The following AP1G2 variants were observed in gnomAD, a reference collection of about 807,000 sequenced individuals.
AP1G2 encodes the protein AP-1 complex subunit gamma-like 2.
In AP1G2, 85 loss-of-function variants were observed where a neutral mutation model predicts 95.8. The observed-to-expected ratio is 0.89, with a 90% CI of 0.74 to 1.06. The LOEUF (loss-of-function observed/expected upper bound fraction) is 1.06, where lower values mean the gene tolerates loss of function less well. AP1G2 is among the 50% of genes least tolerant of loss of function. AP1G2 has a pLI of 0.00. For missense variants in AP1G2, 967 were observed against 1,005.8 expected (o/e 0.96, Z 0.52); for synonymous variants, 378 against 400.0 (o/e 0.94, Z 0.66).
At chr14:23,562,708 G>GC (rs1256013798) in intron 14 of AP1G2, 115 bp from the exon 15 acceptor site, 8 of 996,096 alleles carry the variant, frequency 8.0e-6, no homozygotes, top group Non-Finnish European at 8.7e-6. Flanking sequence ...TTCAAGACCA[G>GC]CCTGGGCAAC....
Position 23,561,351 on chromosome 14 carries a change from G to T in AP1G2, c.1938C>A (p.Ser646=). Residue 646 remains serine (S), a synonymous_variant, in exon 19 of 22, where the codon TCC becomes TCA. Coordinates refer to ENST00000397120, the MANE Select transcript of AP1G2 (RefSeq NM_003917.5). ...DVQHPPHLDP[S]PGGALVHLLD... is the part of the protein sequence containing the mutation. ...GCAGGTGTACCAGGGCACCTCCTGG[G>T]GAGGGGTCCAGATGGGGAGGATGCT... 1 of 1,588,506 alleles carries T rather than the reference G, an allele frequency of 6.3e-7. No homozygotes were observed. The highest frequency in any genetic ancestry group is 8.6e-7 in the Non-Finnish European group (1 of 1,165,816).
intron 17 of AP1G2, 65 bp downstream of exon 17, chr14:23,561,897 A>G (rs1884915990): frequency 6.5e-7 from 1 of 1,539,220 alleles, no homozygotes; most frequent in African/African-American, 1.4e-5. Flanking sequence ...CCTTGTACCT[A>G]GAAAAGGGCA....
At chr14:23,563,068 A>T in intron 14 of AP1G2, 1 of 1,279,750 alleles carries the variant, frequency 7.8e-7, no homozygotes, top group Non-Finnish European at 9.9e-7. Flanking sequence ...CTGTTAATTC[A>T]TTCAGCATTC....
chr14:23,561,066 A>G (rs1884311755), intron 19 of AP1G2: 3 of 1,257,152 alleles, frequency 2.4e-6, no homozygotes, highest in Non-Finnish European at 3.0e-6. Flanking sequence ...AAAGTGGTAT[A>G]AGAAGGGTTG....
rs1167832670 is a variant in AP1G2, at chr14:23,565,636, G to A, written c.711C>T (p.Ser237=). The A allele has an allele frequency of 2.5e-6, 4 of 1,614,048 alleles. No individual in the cohort carries two copies. The highest frequency in any genetic ancestry group is 3.4e-6 in the Non-Finnish European group (4 of 1,180,020). The change falls in exon 7 of 22, where the codon AGC becomes AGT. Residue 237 remains serine, a synonymous_variant. Transcript: ENST00000397120. ...LVTMGYSTEH[S]ISGVSDPFLQ... is the part of the protein sequence containing the mutation. ...GGAAGGGGTCGCTGACTCCAGATATGCTGTGTTCTGTGGAGTATCCCATTG... is the reference window on the plus strand; with the variant it reads ...GGAAGGGGTCGCTGACTCCAGATATACTGTGTTCTGTGGAGTATCCCATTG...
In AP1G2 at chr14:23,567,133, CCCAACA is replaced by C; in HGVS notation, c.176_181del (p.Met59_Gly61delinsSer). The stretch of plus-strand genomic sequence containing the variant: ...TACCTGTCCAAAGTGGGCGGGGTAG[CCCAACA>C]TGTGGACGTAGAGCAGTTTGGCCAG... On this transcript the variant is annotated inframe_deletion, in exon 2 of 22. Transcript: ENST00000397120. The surrounding 1 kb of genome is among the most constrained non-coding windows in gnomAD (Gnocchi z 5.3). The C allele has an allele frequency of 6.2e-7, 1 of 1,611,288 alleles. No individual in the cohort carries two copies. Among genetic ancestry groups the C allele is most frequent in the Non-Finnish European group, 8.5e-7 (1 of 1,178,728 alleles).
At chr14:23,560,136 A>G in intron 20 of AP1G2, 100 bp from the exon 21 acceptor site, 1 of 1,448,734 alleles carries the variant, frequency 6.9e-7, no homozygotes, top group Non-Finnish European at 9.5e-7. Context: ...GTAACTCCCC[A>G]AGTGCTGATC....
Position 23,563,792 on chromosome 14 carries a change from G to C in AP1G2, c.1156C>G (p.Leu386Val). ...SSNVRAMMQE[L>V]QAFLESCPPD... Reference sequence around the variant, plus strand: ...GGGCAGGACTCCAGAAAGGCCTGCAGCTCTTGCATCATGGCTCGCACATTG... The same window carrying C: ...GGGCAGGACTCCAGAAAGGCCTGCACCTCTTGCATCATGGCTCGCACATTG... Residue 386 changes from leucine to valine, a missense_variant, in exon 12 of 22, where the codon CTG becomes GTG. Transcript: ENST00000397120. 1 of 1,614,204 alleles carries C rather than the reference G, an allele frequency of 6.2e-7. No individual in the cohort carries two copies. The highest frequency in any genetic ancestry group is 2.2e-5 in the East Asian group (1 of 44,876).
rs544809551 is a variant in AP1G2, at chr14:23,566,298, T to G, written c.451A>C (p.Ser151Arg). Residue 151 changes from serine (S) to arginine (R), a missense_variant, in exon 4 of 22, where the codon AGT (serine) becomes CGT (arginine). Physicochemically the swap from Ser to Arg is moderately radical, Grantham distance 110. Transcript: ENST00000397120. ...CTCACCTTCTTGCGCACGTAGGGAC[T>G]GGGCTGCAGGAGCAGTTTCTCCACC... ...PEVEKLLLQP[S>R]PYVRKKAILT... 8.7e-6 allele frequency: 14 copies of G among 1,613,952 alleles called. No homozygotes were observed. The Admixed American group carries it at 2.3e-4, about 27-fold the overall frequency.
chr14:23,565,688 A>T lies in AP1G2; in HGVS notation c.659T>A (p.Leu220Gln), dbSNP rs375959066. The T allele has an allele frequency of 1.9e-6, 3 of 1,614,154 alleles. No individual in the cohort carries two copies. The highest frequency in any genetic ancestry group is 1.7e-6 in the Non-Finnish European group (2 of 1,179,980). ...LRHFRKVVPQ[L>Q]VHILRTLVTM... ...CACCAGAGTCCGGAGGATGTGTACC[A>T]GCTGGGGTACCACCTGGAGGGAGGG... is the stretch of plus-strand genomic sequence containing the variant. Residue 220 changes from leucine (L) to glutamine (Q), a missense_variant, in exon 7 of 22, where the codon CTG becomes CAG. Leu to Gln is a moderately radical substitution (Grantham distance 113). Transcript: ENST00000397120.
rs754329006 is a variant in AP1G2, at chr14:23,567,208, C to A, written c.107G>T (p.Arg36Leu). ...TGGGTCCCCGTCGCGGAAGGAGGCC[C>A]GGATGTGGGCACACTCCTTTTGGAT... The part of the protein sequence containing the change: ...EVIQKECAHI[R>L]ASFRDGDPVH... Residue 36 changes from arginine (R) to leucine (L), a missense_variant, in exon 2 of 22, where the codon CGG (arginine) becomes CTG (leucine). Arg to Leu is a moderately radical substitution (Grantham distance 102). Coordinates refer to ENST00000397120, the MANE Select transcript of AP1G2 (RefSeq NM_003917.5). The surrounding 1 kb of genome is among the most constrained non-coding windows in gnomAD (Gnocchi z 5.3). 6.2e-7 allele frequency: 1 copy of A among 1,612,700 alleles called. No individual in the cohort carries two copies.
rs1054578341 is a variant in AP1G2 at position 23,564,178 on chromosome 14, G to T, written c.978-19C>A. 1 of 1,613,084 alleles carries T rather than the reference G, an allele frequency of 6.2e-7. No homozygotes were observed. The highest frequency in any genetic ancestry group is 8.5e-7 in the Non-Finnish European group (1 of 1,179,526). On this transcript the variant is annotated intron_variant, in intron 10 of 21. Transcript: ENST00000397120. The stretch of plus-strand genomic sequence containing the variant: ...TACATACCTGGTCAGGATGGGGGAG[G>T]TTCTATCATACCATGGCCATCAGCC...
In AP1G2 at chr14:23,560,034, AC is replaced by A. The variant is rs1374157614; in HGVS notation, c.2159del (p.Ser720IlefsTer38). 1.3e-5 allele frequency: 20 copies of A among 1,599,528 alleles called. No individual in the cohort carries two copies. The South Asian group carries it at 1.3e-4, about 11-fold the overall frequency. On this transcript the variant is annotated frameshift_variant and splice_region_variant, in exon 21 of 22. Transcript: ENST00000397120. LOFTEE classifies it high-confidence loss of function. Reference protein sequence around the residue: ...HFICQAAVPKSLQLQLQAPSG... With the variant: ...HFICQAAVPKXLQLQLQAPSG... ...TGGGGGCCTGCAGCTGCAGCTGGAG[AC>A]TCTGAACACAGGAGTTTAACAGAGC...
At position 23,566,029 on chromosome 14, in the gene AP1G2, C is replaced by A. The variant is rs201137419; in HGVS notation, c.568+35G>T. On this transcript the variant is annotated intron_variant, in intron 5 of 21. Transcript: ENST00000397120. ...GATTTTCAATTCTTCTGTCCATAGA[C>A]CTGAAGCAAAGGATGGGGGGCCCCA... The A allele has an allele frequency of 1.2e-5, 19 of 1,614,040 alleles. 2 individuals are homozygous for A. In the South Asian group the frequency reaches 2.1e-4, roughly 18 times the overall value.
At chr14:23,563,117 T>C (rs1885926092) in intron 14 of AP1G2, 3 of 1,380,170 alleles carry the variant, frequency 2.2e-6, no homozygotes, top group Admixed American at 6.5e-5. Flanking sequence ...AGAGCTTTAA[T>C]CTCAAGGCAG....
rs1421687187 is a variant in AP1G2, at chr14:23,565,894, T to A, written c.569-2A>T. The A allele has an allele frequency of 6.3e-7, 1 of 1,591,990 alleles. No individual in the cohort carries two copies. The highest frequency in any genetic ancestry group is 2.2e-5 in the East Asian group (1 of 44,674). On this transcript the variant is annotated splice_acceptor_variant, in intron 5 of 21. Transcript: ENST00000397120. LOFTEE classifies it high-confidence loss of function. Reference sequence around the variant, plus strand: ...GCGTGATGGTGCCCAGCAGGATGCCTGGGGTCAGCGTCGGGGAAGTGAATG... The same window carrying A: ...GCGTGATGGTGCCCAGCAGGATGCCAGGGGTCAGCGTCGGGGAAGTGAATG...
chr14:23,564,013 C>A, intron 11 of AP1G2, 33 bp downstream of exon 11: 1 of 1,612,562 alleles, frequency 6.2e-7, no homozygotes, highest in Non-Finnish European at 8.5e-7. Flanking sequence ...GGAACCTCTG[C>A]CCTGCCCTCC....
Position 23,561,411 on chromosome 14 carries a change from CA to C in AP1G2, c.1877del (p.Leu626ArgfsTer2), listed in dbSNP as rs745312124. On this transcript the variant is annotated frameshift_variant, in exon 19 of 22. Transcript: ENST00000397120. LOFTEE classifies it high-confidence loss of function. ...CAGAAGCCCCATCCAGGAGATCTAGCAGATCCAGGAGCTGTGAGGCCTGGCA... is the reference window on the plus strand; with the variant it reads ...CAGAAGCCCCATCCAGGAGATCTAGCGATCCAGGAGCTGTGAGGCCTGGCA... ...TEPQASQLLD[L>X]LDLLDGASGD... The C allele has an allele frequency of 1.4e-5, 22 of 1,608,310 alleles. No homozygotes were observed. Among genetic ancestry groups the C allele is most frequent in the Non-Finnish European group, 1.8e-5 (21 of 1,176,282 alleles).
Position 23,563,607 on chromosome 14 carries a change from T to A in AP1G2, c.1264A>T (p.Thr422Ser), listed in dbSNP as rs1234079642. 1.9e-6 allele frequency: 3 copies of A among 1,614,220 alleles called. No individual in the cohort carries two copies. Among genetic ancestry groups the A allele is most frequent in the Non-Finnish European group, 2.5e-6 (3 of 1,180,044 alleles). ...ACCGTTGTCAGCACATGCAGGATGG[T>A]GTCTATGTGCCAGCGTTTGGTTGGA... ...FAPTKRWHIDTILHVLTTAGT... is the reference protein window; with the variant it reads ...FAPTKRWHIDSILHVLTTAGT... The change falls in exon 13 of 22, where the codon ACC becomes TCC. Residue 422 changes from threonine to serine, a missense_variant. Thr to Ser is a moderately conservative substitution (Grantham distance 58). Coordinates refer to ENST00000397120, the MANE Select transcript of AP1G2 (RefSeq NM_003917.5).
Sources: gnomAD v4.1 joint callset for allele counts on GRCh38, gnomAD v4.1.1 for gene constraint, Gnocchi (gnomAD v3.1) non-coding constraint, MANE v1.5 for transcripts, NCBI Gene and HGNC (gene_info 2026-07-23, HGNC 2026-07-21) for gene names.